Variants in DIP2C observed in about 807,000 individuals in gnomAD.
DIP2C encodes DIP2 acetate--CoA ligase C (putative).
Under a neutral mutation model 192.4 loss-of-function variants are expected in DIP2C, and 33 were observed. The observed-to-expected ratio is 0.17, with a 90% CI of 0.13 to 0.23. The LOEUF is 0.23. Among genes scored for constraint, DIP2C ranks in the 10% least tolerant of loss-of-function variants. The pLI, the probability that DIP2C is intolerant of heterozygous loss-of-function variation, is 1.00. For missense variants in DIP2C, 1,537 were observed against 2,110.1 expected (o/e 0.73, Z 5.32); for synonymous variants, 979 against 864.1 (o/e 1.13, Z -2.33).
At chr10:428,213 T>C (rs1465924593) in intron 4 of DIP2C, among the ~76,000 whole-genome samples, 1 of 152,188 alleles carries the variant, frequency 6.6e-6, no homozygotes, top group Non-Finnish European at 1.5e-5. Flanking sequence ...TCATAAAGTG[T>C]TCTATGATTT....
Position 442,660 on chromosome 10 carries a change from A to G in DIP2C, c.269-1664T>C, listed in dbSNP as rs564225804. On this transcript the variant is annotated intron_variant, in intron 3 of 36. Coordinates refer to ENST00000280886, the MANE Select transcript of DIP2C (RefSeq NM_014974.3). ...ACACCACTGCTCTCCCCGCTCCCCC[A>G]TGAATTTTCTAAGTCAAATGAAAAT... Among the ~76,000 whole-genome samples the G allele has an allele frequency of 2.6e-5, 4 of 152,308 alleles. No individual in the cohort carries two copies. The South Asian group carries it at 8.3e-4, about 32-fold the overall frequency.
At chr10:330,289 ACGATT>A (rs1203770287) in intron 29 of DIP2C, among the ~76,000 whole-genome samples, 2 of 152,188 alleles carry the variant, frequency 1.3e-5, no homozygotes, top group Admixed American at 1.3e-4. Context: ...GAGAAAAATA[ACGATT>A]CTTTAATTTT....
intron 1 of DIP2C, among the ~76,000 whole-genome samples, chr10:607,321 T>A (rs1852564458): frequency 6.7e-6 from 1 of 150,340 alleles, no homozygotes; most frequent in Non-Finnish European, 1.5e-5. Flanking sequence ...GAGCAGCTGA[T>A]AACCCACTGG....
intron 1 of DIP2C, among the ~76,000 whole-genome samples, chr10:572,259 A>G (rs899756786): frequency 1.3e-5 from 2 of 152,232 alleles, no homozygotes; most frequent in Non-Finnish European, 2.9e-5. Flanking sequence ...AACACGCCCC[A>G]AACATCTCAC....
intron 1 of DIP2C, among the ~76,000 whole-genome samples, chr10:626,457 G>GGGTTACCCTCCGTCCCCCGTCCCCGC (rs369658675): frequency 6.6e-6 from 1 of 150,614 alleles, no homozygotes; most frequent in African/African-American, 2.5e-5. Flanking sequence ...CCCGTCCCCG[G>GGGTTACCCTCCGTCCCCCGTCCCCGC]AGTTACCCTC....
intron 36 of DIP2C, 143 bp from the exon 37 acceptor site, chr10:277,720 T>G (rs1458252783): frequency 1.8e-6 from 2 of 1,134,664 alleles, no homozygotes; most frequent in Non-Finnish European, 2.5e-6. Context: ...GTCCTCCGTC[T>G]GCCGCCCACT....
chr10:621,389 C>T (rs1331684810), intron 1 of DIP2C, among the ~76,000 whole-genome samples: 5 of 150,516 alleles, frequency 3.3e-5, no homozygotes, highest in South Asian at 2.1e-4. Context: ...ACACCACCCC[C>T]GGGGTGCACA....
At chr10:670,292 G>A (rs1380504855) in intron 1 of DIP2C, among the ~76,000 whole-genome samples, 2 of 151,956 alleles carry the variant, frequency 1.3e-5, no homozygotes, top group African/African-American at 4.8e-5. Flanking sequence ...ACGTACACAT[G>A]CACACACATA....
At position 345,093 on chromosome 10, in the gene DIP2C, A is replaced by G. The variant is rs1958369285; in HGVS notation, c.3249T>C (p.Cys1083=). ...TACAGATCAGCTGTGTCGTCATCAG[A>G]CAGGCAGAGCGACTCACCTGGCATC... The part of the protein sequence containing the change: ...KMIVEVSRSA[C]LMTTQLICKL... Residue 1083 remains cysteine (C), a synonymous_variant, in exon 27 of 37, where the codon TGT becomes TGC. Coordinates refer to ENST00000280886, the MANE Select transcript of DIP2C (RefSeq NM_014974.3). 1.9e-6 allele frequency: 3 copies of G among 1,612,798 alleles called. No individual in the cohort carries two copies. The highest frequency in any genetic ancestry group is 2.5e-6 in the Non-Finnish European group (3 of 1,179,864).
chr10:359,318 C>T (rs542153669), intron 22 of DIP2C, among the ~76,000 whole-genome samples: 33 of 152,302 alleles, frequency 2.2e-4, no homozygotes, highest in African/African-American at 7.2e-4. Flanking sequence ...CTGCCAGAAA[C>T]GATTCCACTT....
At chr10:318,044 T>C (rs1268527154) in intron 31 of DIP2C, among the ~76,000 whole-genome samples, 6 of 152,080 alleles carry the variant, frequency 3.9e-5, no homozygotes, top group Non-Finnish European at 8.8e-5. Flanking sequence ...GAAGGGCAAG[T>C]GCCTGAGTAG....
chr10:545,771 G>C (rs1382693389), intron 1 of DIP2C, among the ~76,000 whole-genome samples: 1 of 152,138 alleles, frequency 6.6e-6, no homozygotes, highest in African/African-American at 2.4e-5. Flanking sequence ...GAGGGAGGGT[G>C]CAGTCCATCC....
At chr10:637,752 G>A (rs1692306015) in intron 1 of DIP2C, among the ~76,000 whole-genome samples, 1 of 152,190 alleles carries the variant, frequency 6.6e-6, no homozygotes, top group African/African-American at 2.4e-5. Flanking sequence ...TCAAAACAAA[G>A]AGGTCTTCAG....
rs1220399510 is a variant in DIP2C at position 363,934 on chromosome 10, C to T, written c.2477+440G>A. On this transcript the variant is annotated intron_variant, in intron 20 of 36. Coordinates refer to ENST00000280886, the MANE Select transcript of DIP2C (RefSeq NM_014974.3). This position sits in a 1 kb window ranked among gnomAD's most constrained non-coding sequence, Gnocchi z 5.4. ...GGAACCGTGGCAACTTATTTCATCACGGAGCCTCCACTGTGCACCAGGCAA... is the reference window on the plus strand; with the variant it reads ...GGAACCGTGGCAACTTATTTCATCATGGAGCCTCCACTGTGCACCAGGCAA... Among the ~76,000 whole-genome samples, 2 of 152,140 alleles carry T rather than the reference C, an allele frequency of 1.3e-5. No individual in the cohort carries two copies. The highest frequency in any genetic ancestry group is 2.4e-5 in the African/African-American group (1 of 41,432).
At chr10:397,360 T>A (rs1407076771) in intron 10 of DIP2C, among the ~76,000 whole-genome samples, 1 of 151,948 alleles carries the variant, frequency 6.6e-6, no homozygotes, top group East Asian at 1.9e-4. Flanking sequence ...CAAAACCTCA[T>A]CTCTACTAAA....
intron 1 of DIP2C, among the ~76,000 whole-genome samples, chr10:557,712 ATG>A (rs1848961807): frequency 1.1e-4 from 4 of 35,760 alleles, no homozygotes; most frequent in African/African-American, 3.0e-4. Context: ...GGGGGAGGGG[ATG>A]GGCAGGGCAG....
At chr10:464,670 A>G (rs1970064631) in intron 3 of DIP2C, among the ~76,000 whole-genome samples, 1 of 152,258 alleles carries the variant, frequency 6.6e-6, no homozygotes, top group African/African-American at 2.4e-5. Context: ...CTATAAAGAC[A>G]CATACAAACG....
At chr10:384,270 CCTT>C (rs1209569302) in intron 15 of DIP2C, 124 bp from the exon 16 acceptor site, 28 of 535,724 alleles carry the variant, frequency 5.2e-5, no homozygotes, top group Non-Finnish European at 6.0e-5. Context: ...CCCCCACAAA[CCTT>C]TTTTTTTTTT....
chr10:588,268 C>T (rs1036850985), intron 1 of DIP2C, among the ~76,000 whole-genome samples: 2 of 151,704 alleles, frequency 1.3e-5, no homozygotes, highest in Non-Finnish European at 2.9e-5. Context: ...CAGCCCTGAC[C>T]CTCCGGAAAC....
Sources: allele counts gnomAD v4.1 joint callset (sites outside exome capture counted in the v4.1 genomes callset), GRCh38; gene constraint gnomAD v4.1.1; non-coding constraint Gnocchi (gnomAD v3.1); transcripts MANE v1.5; gene names NCBI Gene and HGNC (gene_info 2026-07-23, HGNC 2026-07-21).